GALNT13: variants seen among roughly 807,000 people sequenced by gnomAD.
GALNT13 encodes polypeptide N-acetylgalactosaminyltransferase 13.
A neutral mutation model predicts 64.2 loss-of-function variants in GALNT13; 28 were observed. The ratio of observed to expected loss-of-function variants is 0.44; its 90% CI spans 0.32 to 0.60. GALNT13 has a LOEUF of 0.60. GALNT13 is among the 20% of genes least tolerant of loss of function. The probability of loss-of-function intolerance (pLI) is 0.05; values close to 1 mark genes in which losing one functional copy is unlikely to be tolerated. For synonymous variants in GALNT13, 214 were observed against 224.6 expected (o/e 0.95, Z 0.42); for missense variants, 577 against 669.8 (o/e 0.86, Z 1.53).
At chr2:153,752,250 A>G in the GALNT13 span, among the ~76,000 whole-genome samples, 7 of 151,984 alleles carry the variant, frequency 4.6e-5, no homozygotes, top group Non-Finnish European at 8.8e-5. Flanking sequence ...TCTACTTAGG[A>G]TAAGAGTAGT....
the GALNT13 span, among the ~76,000 whole-genome samples, chr2:153,777,781 C>T: frequency 1.3e-5 from 2 of 152,088 alleles, no homozygotes; most frequent in Non-Finnish European, 2.9e-5. Flanking sequence ...GCTCCTGAAG[C>T]CCCAGTGGGT....
chr2:153,421,477 G>T, the GALNT13 span: 1 of 220,522 alleles, frequency 4.5e-6, no homozygotes, highest in East Asian at 1.1e-4. Context: ...TGCAGGGCTA[G>T]GTAAATGGAG....
chr2:153,536,199 C>G, the GALNT13 span, among the ~76,000 whole-genome samples: 1 of 152,138 alleles, frequency 6.6e-6, no homozygotes, highest in Non-Finnish European at 1.5e-5. Context: ...TGATCAAGCT[C>G]CAATGGTAAA....
the GALNT13 span, among the ~76,000 whole-genome samples, chr2:153,543,263 A>C: frequency 1.3e-5 from 2 of 152,162 alleles, no homozygotes; most frequent in African/African-American, 4.8e-5. Flanking sequence ...GCCAGAGAAG[A>C]ATCATCTCAC....
At chr2:153,805,224 C>CA in the GALNT13 span, among the ~76,000 whole-genome samples, 1 of 150,784 alleles carries the variant, frequency 6.6e-6, no homozygotes, top group African/African-American at 2.4e-5. Flanking sequence ...TCTCTAAAGA[C>CA]AAAAAAATCA....
chr2:154,140,401 T>A lies in GALNT13; in HGVS notation c.207T>A (p.Asp69Glu). Residue 69 changes from aspartate to glutamate, a missense_variant, in exon 4 of 13, where the codon GAT (aspartate) becomes GAA (glutamate). Asp to Glu is a conservative substitution (Grantham distance 45, BLOSUM62 2). Transcript: ENST00000392825. ...EMGKAVLIPKDDQEKMKELFK... is the reference protein window; with the variant it reads ...EMGKAVLIPKEDQEKMKELFK... ...GAAAAGCTGTGTTGATTCCTAAAGATGACCAGGAGAAAATGAAAGAGCTGT... is the reference window on the plus strand; with the variant it reads ...GAAAAGCTGTGTTGATTCCTAAAGAAGACCAGGAGAAAATGAAAGAGCTGT... 6.2e-7 allele frequency: 1 copy of A among 1,613,142 alleles called. No homozygotes were observed. The highest frequency in any genetic ancestry group is 8.5e-7 in the Non-Finnish European group (1 of 1,179,268).
At chr2:153,391,801 G>A in the GALNT13 span, among the ~76,000 whole-genome samples, 2 of 151,788 alleles carry the variant, frequency 1.3e-5, no homozygotes, top group Non-Finnish European at 2.9e-5. Flanking sequence ...GAATGATTAT[G>A]TTGCTTTCAG....
intron 3 of GALNT13, among the ~76,000 whole-genome samples, chr2:153,947,059 G>C (rs965556372): frequency 6.6e-6 from 1 of 151,966 alleles, no homozygotes; most frequent in African/African-American, 2.4e-5. Context: ...CAAAGGTTTT[G>C]GAGTAGGCAG....
At chr2:154,226,382 G>C (rs897553835) in intron 4 of GALNT13, among the ~76,000 whole-genome samples, 1 of 152,026 alleles carries the variant, frequency 6.6e-6, no homozygotes, top group East Asian at 1.9e-4. Context: ...GTCAAAAAAT[G>C]CTTCCCTGAA....
In GALNT13 at chr2:154,162,122, A is replaced by G. The variant is rs1229926095; in HGVS notation, c.311+21617A>G. Among the ~76,000 whole-genome samples, 3 of 152,304 alleles carry G rather than the reference A, an allele frequency of 2.0e-5. No individual in the cohort carries two copies. In the East Asian group the frequency reaches 5.8e-4, roughly 29 times the overall value. ...TTTTGAAAAATTATATTGTGATTTT[A>G]CATTCTAACATAAATACTCTATATC... On this transcript the variant is annotated intron_variant, in intron 4 of 12. Transcript: ENST00000392825.
chr2:153,891,166 A>G (rs1187419790), intron 1 of GALNT13, among the ~76,000 whole-genome samples: 2 of 152,016 alleles, frequency 1.3e-5, no homozygotes, highest in Non-Finnish European at 2.9e-5. Context: ...TCCTTACTGC[A>G]TGCATTTAGC....
chr2:154,025,183 AG>A (rs1262289559), intron 3 of GALNT13, among the ~76,000 whole-genome samples: 1 of 152,096 alleles, frequency 6.6e-6, no homozygotes, highest in African/African-American at 2.4e-5. Context: ...TCAGATCTCA[AG>A]CTGCATGCTG....
At chr2:153,895,734 T>C (rs140002324) in intron 1 of GALNT13, among the ~76,000 whole-genome samples, 19 of 152,220 alleles carry the variant, frequency 1.2e-4, no homozygotes, top group Non-Finnish European at 1.5e-4. Flanking sequence ...AACAGTCTCA[T>C]GCTACTTGAC....
At chr2:153,615,134 G>A in the GALNT13 span, among the ~76,000 whole-genome samples, 4 of 152,140 alleles carry the variant, frequency 2.6e-5, no homozygotes, top group East Asian at 7.8e-4. Flanking sequence ...TACCATGTTT[G>A]TCTTTCTGTG....
the GALNT13 span, among the ~76,000 whole-genome samples, chr2:153,534,918 C>T: frequency 1.3e-5 from 2 of 151,618 alleles, no homozygotes; most frequent in East Asian, 1.9e-4. Flanking sequence ...ACAGGGGATG[C>T]GATGGCTTGG....
chr2:153,073,366 T>C, the GALNT13 span, among the ~76,000 whole-genome samples: 1 of 151,886 alleles, frequency 6.6e-6, no homozygotes, highest in East Asian at 1.9e-4. Flanking sequence ...AATTCTAACA[T>C]GTTACGCAAA....
intron 4 of GALNT13, among the ~76,000 whole-genome samples, chr2:154,221,791 C>T (rs1051034771): frequency 1.3e-5 from 2 of 152,060 alleles, no homozygotes; most frequent in African/African-American, 4.8e-5. Flanking sequence ...TTGTTCTTTT[C>T]CTCAATGAAA....
chr2:153,281,515 G>GTATTGT, the GALNT13 span, among the ~76,000 whole-genome samples: 2 of 152,070 alleles, frequency 1.3e-5, no homozygotes, highest in African/African-American at 4.8e-5. Context: ...GTGGCAGTAG[G>GTATTGT]TATTGTTCTT....
intron 3 of GALNT13, among the ~76,000 whole-genome samples, chr2:153,993,893 A>G (rs1695336703): frequency 6.6e-6 from 1 of 152,120 alleles, no homozygotes; most frequent in Admixed American, 6.6e-5. Context: ...TTGTATATTC[A>G]ACAGAACACT....
Sources: allele counts gnomAD v4.1 joint callset (sites outside exome capture counted in the v4.1 genomes callset), GRCh38; gene constraint gnomAD v4.1.1; transcripts MANE v1.5; gene names NCBI Gene and HGNC (gene_info 2026-07-23, HGNC 2026-07-21).